The following NAALADL2 variants were observed in gnomAD, a reference collection of about 807,000 sequenced individuals.
The protein encoded by NAALADL2 is N-acetylated alpha-linked acidic dipeptidase like 2.
NAALADL2 carries 76 observed loss-of-function variants against 87.2 expected under a neutral mutation model. The observed-to-expected ratio is 0.87, with a 90% CI of 0.72 to 1.05. NAALADL2 has a LOEUF of 1.05. NAALADL2 is among the 50% of genes least tolerant of loss of function. The pLI is 0.00. For synonymous variants in NAALADL2, 354 were observed against 331.0 expected, an observed-to-expected ratio of 1.07 and a Z score of -0.75; for missense variants, 1,089 against 945.8, an observed-to-expected ratio of 1.15 and a Z score of -1.99.
intron 6 of NAALADL2, among the ~76,000 whole-genome samples, chr3:175,451,373 T>A (rs934851416): frequency 1.3e-4 from 20 of 152,250 alleles, no homozygotes; most frequent in Admixed American, 2.6e-4. Flanking sequence ...TGAAAAAAGT[T>A]CCTCCTTAAA....
intron 5 of NAALADL2, among the ~76,000 whole-genome samples, chr3:175,366,995 C>A (rs1296393601): frequency 2.0e-5 from 3 of 151,542 alleles, no homozygotes; most frequent in African/African-American, 2.4e-5. Flanking sequence ...GGTTTTAGGT[C>A]TAACGTTTAA....
At chr3:175,653,840 T>C (rs954206338) in intron 11 of NAALADL2, among the ~76,000 whole-genome samples, 11 of 152,174 alleles carry the variant, frequency 7.2e-5, no homozygotes, top group African/African-American at 2.7e-4. Flanking sequence ...GACTCCCTGA[T>C]GTAGAGGCTG....
intron 11 of NAALADL2, among the ~76,000 whole-genome samples, chr3:175,679,330 T>C (rs527294026): frequency 6.6e-6 from 1 of 152,016 alleles, no homozygotes; most frequent in Non-Finnish European, 1.5e-5. Context: ...CTATGGGTTT[T>C]AGTTATTGTT....
intron 2 of NAALADL2, among the ~76,000 whole-genome samples, chr3:175,135,615 G>C (rs949402966): frequency 2.0e-5 from 3 of 152,036 alleles, no homozygotes; most frequent in African/African-American, 7.2e-5. Context: ...AAAACCTAAA[G>C]TCAAATTGTA....
At chr3:175,246,614 A>G (rs1044164231) in intron 3 of NAALADL2, among the ~76,000 whole-genome samples, 14 of 152,132 alleles carry the variant, frequency 9.2e-5, no homozygotes, top group African/African-American at 2.9e-4. Context: ...TACCGGGGTA[A>G]TTTTCCTGAC....
intron 3 of NAALADL2, among the ~76,000 whole-genome samples, chr3:174,757,175 C>T (rs1206138908): frequency 6.6e-6 from 1 of 152,058 alleles, no homozygotes; most frequent in Non-Finnish European, 1.5e-5. Context: ...AGAAGTAGTC[C>T]CAATATTTGA....
intron 2 of NAALADL2, among the ~76,000 whole-genome samples, chr3:174,585,860 T>C (rs1716655069): frequency 6.6e-6 from 1 of 152,208 alleles, no homozygotes; most frequent in Non-Finnish European, 1.5e-5. Context: ...TTGCCTACTT[T>C]TAAATGTTGG....
At chr3:175,528,053 CAA>C (rs1733650351) in intron 9 of NAALADL2, among the ~76,000 whole-genome samples, 2 of 151,858 alleles carry the variant, frequency 1.3e-5, no homozygotes, top group African/African-American at 4.8e-5. Context: ...ATTTGCATAA[CAA>C]AGCACTTTTG....
intron 5 of NAALADL2, among the ~76,000 whole-genome samples, chr3:175,413,526 C>T (rs370848462): frequency 9.5e-5 from 13 of 136,176 alleles, no homozygotes; most frequent in South Asian, 2.3e-4. Flanking sequence ...GCTGAGATTG[C>T]GCCAAAGCAC....
chr3:174,871,410 C>T (rs2109614504), intron 1 of NAALADL2, among the ~76,000 whole-genome samples: 1 of 152,298 alleles, frequency 6.6e-6, no homozygotes, highest in African/African-American at 2.4e-5. Context: ...AGCTATTGAT[C>T]TTCAGCATCT....
chr3:175,042,711 T>C (rs1399015726), intron 1 of NAALADL2, among the ~76,000 whole-genome samples: 1 of 152,180 alleles, frequency 6.6e-6, no homozygotes, highest in Admixed American at 6.5e-5. Flanking sequence ...TTTTCATATA[T>C]CTATTGATCA....
chr3:174,826,836 C>G (rs749350052), intron 3 of NAALADL2, among the ~76,000 whole-genome samples: 14 of 152,070 alleles, frequency 9.2e-5, no homozygotes, highest in Non-Finnish European at 2.1e-4. Context: ...TTCAGATACC[C>G]CTGCCTGAGG....
chr3:175,089,034 A>AT (rs1553770215), intron 1 of NAALADL2, among the ~76,000 whole-genome samples: 1 of 151,856 alleles, frequency 6.6e-6, no homozygotes, highest in Non-Finnish European at 1.5e-5. Flanking sequence ...GAAAAAAAAA[A>AT]TTGTAAATGT....
chr3:175,463,193 T>C (rs1723419267), intron 6 of NAALADL2, among the ~76,000 whole-genome samples: 1 of 152,176 alleles, frequency 6.6e-6, no homozygotes, highest in Non-Finnish European at 1.5e-5. Flanking sequence ...CAATTGTATC[T>C]TAGTCATCAC....
intron 2 of NAALADL2, among the ~76,000 whole-genome samples, chr3:174,697,789 A>G (rs1729169145): frequency 6.6e-6 from 1 of 152,188 alleles, no homozygotes; most frequent in South Asian, 2.1e-4. Context: ...TTATATACCC[A>G]TAAAATAAAT....
intron 9 of NAALADL2, among the ~76,000 whole-genome samples, chr3:175,513,730 A>G (rs542385740): frequency 1.3e-5 from 2 of 152,338 alleles, no homozygotes; most frequent in Non-Finnish European, 2.9e-5. Flanking sequence ...AGTACAATAG[A>G]CAGCAGCGTG....
At chr3:175,302,369 T>C (rs891485645) in intron 4 of NAALADL2, among the ~76,000 whole-genome samples, 4 of 152,174 alleles carry the variant, frequency 2.6e-5, no homozygotes, top group Non-Finnish European at 5.9e-5. Context: ...TCCATCCTAA[T>C]TGATGATAGT....
chr3:174,655,544 C>T lies in NAALADL2; in HGVS notation c.-114-82097C>T, dbSNP rs530783622. Among the ~76,000 whole-genome samples, 8 of 152,218 alleles carry T rather than the reference C, an allele frequency of 5.3e-5. No homozygotes were observed. In the East Asian group the frequency reaches 5.8e-4, roughly 11 times the overall value. On this transcript the variant is annotated intron_variant, in intron 2 of 3. Coordinates refer to the NAALADL2 transcript ENST00000434257. ...GATTCTGTAAATGTTACATGGCAGA[C>T]GTTAATAATGAAGCACTTCAATAAA... is the stretch of plus-strand genomic sequence containing the variant.
chr3:175,649,460 A>G (rs1425765647), intron 11 of NAALADL2, among the ~76,000 whole-genome samples: 3 of 151,924 alleles, frequency 2.0e-5, no homozygotes, highest in South Asian at 2.1e-4. Context: ...TTGGGCTGCC[A>G]TAACAAAATA....
Sources: allele counts gnomAD v4.1 joint callset (sites outside exome capture counted in the v4.1 genomes callset), GRCh38; gene constraint gnomAD v4.1.1; transcripts MANE v1.5; gene names NCBI Gene and HGNC (gene_info 2026-07-23, HGNC 2026-07-21).